The following TEX261 variants were observed in gnomAD, a reference collection of about 807,000 sequenced individuals.
TEX261 encodes testis expressed 261.
Under a neutral mutation model 25.1 loss-of-function variants are expected in TEX261, and 13 were observed. That is an observed-to-expected ratio of 0.52 (90% CI 0.34 to 0.82). TEX261 has a LOEUF of 0.82. Among genes scored for constraint, TEX261 ranks in the 40% least tolerant of loss-of-function variants. The pLI, the probability that TEX261 is intolerant of heterozygous loss-of-function variation, is 0.02. For synonymous variants in TEX261, 92 were observed against 97.8 expected (o/e 0.94, Z 0.35); for missense variants, 206 against 243.2 (o/e 0.85, Z 1.02).
chr2:70,990,100 C>T (rs1252402730), intron 3 of TEX261, among the ~76,000 whole-genome samples: 2 of 152,278 alleles, frequency 1.3e-5, no homozygotes, highest in Admixed American at 6.5e-5. Context: ...AGCATCATGA[C>T]GATGAACCTC....
chr2:70,994,392 G>A, intron 1 of TEX261: 1 of 504,812 alleles, frequency 2.0e-6, no homozygotes, highest in Non-Finnish European at 3.5e-6. Flanking sequence ...CGGCAGGCCC[G>A]CGAAGAGTGG....
intron 2 of TEX261, 81 bp from the exon 3 acceptor site, chr2:70,992,064 G>C (rs1670312491): frequency 5.1e-6 from 7 of 1,379,112 alleles, no homozygotes; most frequent in Non-Finnish European, 6.8e-6. Context: ...GCCCGCTCTG[G>C]GCAGCACTAG....
chr2:70,994,172 C>G (rs922201555), intron 1 of TEX261, among the ~76,000 whole-genome samples: 20 of 152,208 alleles, frequency 1.3e-4, no homozygotes, highest in African/African-American at 4.8e-4. Context: ...TAGGGAGAGA[C>G]AGACGAGTTT....
intron 2 of TEX261, 121 bp downstream of exon 2, chr2:70,993,575 G>GTGTA: frequency 1.2e-6 from 1 of 830,480 alleles, no homozygotes; most frequent in Non-Finnish European, 2.1e-6. Context: ...GGAGGTAAGA[G>GTGTA]TGTATGCTCA....
rs530925749 is a variant in TEX261 at position 70,987,384 on chromosome 2, T to C, written c.*1216A>G. 6.5e-6 allele frequency: 1 copy of C among 152,692 alleles called. No individual in the cohort carries two copies. The highest frequency in any genetic ancestry group is 2.4e-5 in the African/African-American group (1 of 41,580). 9.5% of individuals were successfully genotyped at this position (152,692 alleles called of 1,614,324 possible). The stretch of plus-strand genomic sequence containing the variant: ...AAATATTTTCAAGCACAGGGGTTTT[T>C]CCAGTGGCTTAAATGTATCACATGT... On this transcript the variant is annotated 3_prime_UTR_variant, in exon 6 of 6. Transcript: ENST00000272438.
rs1219524513 is a variant in TEX261, at chr2:70,987,617, GCA to G, written c.*981_*982del. On this transcript the variant is annotated 3_prime_UTR_variant, in exon 6 of 6. Coordinates refer to ENST00000272438, the MANE Select transcript of TEX261 (RefSeq NM_144582.3). ...ATATATCTCCCCAGGAGCCAAGAGT[GCA>G]CAGACGGGCCAGGGCTTGGATGCTC... 6.6e-6 allele frequency: 1 copy of G among 152,576 alleles called. No individual in the cohort carries two copies. The highest frequency in any genetic ancestry group is 1.5e-5 in the Non-Finnish European group (1 of 68,048). 9.5% of individuals were successfully genotyped at this position (152,576 alleles called of 1,614,324 possible).
chr2:70,994,694 C>T lies in TEX261; in HGVS notation c.64G>A (p.Ala22Thr). ...CGGGGTCGTGCAGTCTCACCGACAGCCAGCGTGATGAAGGCCACCTGGATG... is the reference window on the plus strand; with the variant it reads ...CGGGGTCGTGCAGTCTCACCGACAGTCAGCGTGATGAAGGCCACCTGGATG... Reference protein sequence around the residue: ...LFIQVAFITLAVAAGLYYLAE... With the variant: ...LFIQVAFITLTVAAGLYYLAE... The change falls in exon 1 of 6, where the codon GCT becomes ACT. Residue 22 changes from alanine (A) to threonine (T), a missense_variant. Transcript: ENST00000272438. 6.2e-7 allele frequency: 1 copy of T among 1,602,824 alleles called. No individual in the cohort carries two copies. The highest frequency in any genetic ancestry group is 1.1e-5 in the South Asian group (1 of 89,374).
At position 70,987,069 on chromosome 2, in the gene TEX261, T is replaced by G. The variant is rs1670201391; in HGVS notation, c.*1531A>C. The G allele has an allele frequency of 6.6e-6, 1 of 151,134 alleles. No individual in the cohort carries two copies. The highest frequency in any genetic ancestry group is 6.6e-5 in the Admixed American group (1 of 15,178). The allele number at this position is 151,134 out of a possible 1,614,324, so 9.4% of individuals were successfully genotyped here. On this transcript the variant is annotated 3_prime_UTR_variant, in exon 6 of 6. Transcript: ENST00000272438. ...CCCTGGGAGAACACTGGCAGTAGAGTGGAGGGGGCGAAGCCACATCATCAA... is the reference window on the plus strand; with the variant it reads ...CCCTGGGAGAACACTGGCAGTAGAGGGGAGGGGGCGAAGCCACATCATCAA...
intron 2 of TEX261, among the ~76,000 whole-genome samples, chr2:70,992,563 C>T (rs1407218145): frequency 1.3e-5 from 2 of 152,096 alleles, no homozygotes. Context: ...AACCCCATCT[C>T]TACTAAAAAT....
At position 70,987,081 on chromosome 2, in the gene TEX261, A is replaced by G. The variant is rs1239263507; in HGVS notation, c.*1519T>C. On this transcript the variant is annotated 3_prime_UTR_variant, in exon 6 of 6. Coordinates refer to ENST00000272438, the MANE Select transcript of TEX261 (RefSeq NM_144582.3). ...ACTGGCAGTAGAGTGGAGGGGGCGA[A>G]GCCACATCATCAAGGTGAGGGACCA... The G allele has an allele frequency of 3.9e-5, 6 of 152,216 alleles. No homozygotes were observed. The highest frequency in any genetic ancestry group is 1.2e-4 in the African/African-American group (5 of 41,432). 9.4% of individuals were successfully genotyped at this position (152,216 alleles called of 1,614,324 possible). A position where few individuals can be genotyped will look rare whatever the true frequency, so the allele number is the denominator to read the frequency against.
chr2:70,988,192 T>G lies in TEX261; in HGVS notation c.*408A>C, dbSNP rs116671983. The stretch of plus-strand genomic sequence containing the variant: ...GAAATCACCGTTCAACAGCAAAAAC[T>G]ATTTCTGTTGGACATGCCAAGCCAT... On this transcript the variant is annotated 3_prime_UTR_variant, in exon 6 of 6. Coordinates refer to ENST00000272438, the MANE Select transcript of TEX261 (RefSeq NM_144582.3). The G allele has an allele frequency of 4.1e-3, 771 of 186,120 alleles. 6 individuals carry two copies. Among genetic ancestry groups the G allele is most frequent in the African/African-American group, 0.018 (738 of 42,156 alleles). The allele number at this position is 186,120 out of a possible 1,614,324, so 11.5% of individuals were successfully genotyped here. A position where few individuals can be genotyped will look rare whatever the true frequency, so the allele number is the denominator to read the frequency against.
At chr2:70,992,722 T>G (rs1435655901) in intron 2 of TEX261, among the ~76,000 whole-genome samples, 2 of 144,162 alleles carry the variant, frequency 1.4e-5, no homozygotes, top group African/African-American at 5.3e-5. Flanking sequence ...AGAGCGAAAC[T>G]CCATCTCAAA....
rs1670201573 is a variant in TEX261, at chr2:70,987,072, A to AG, written c.*1527dup. The AG allele has an allele frequency of 1.3e-5, 2 of 152,182 alleles. No homozygotes were observed. The highest frequency in any genetic ancestry group is 2.9e-5 in the Non-Finnish European group (2 of 68,098). 9.4% of individuals were successfully genotyped at this position (152,182 alleles called of 1,614,324 possible). On this transcript the variant is annotated 3_prime_UTR_variant, in exon 6 of 6. Coordinates refer to ENST00000272438, the MANE Select transcript of TEX261 (RefSeq NM_144582.3). ...TGGGAGAACACTGGCAGTAGAGTGG[A>AG]GGGGGCGAAGCCACATCATCAAGGT...
intron 4 of TEX261, 178 bp downstream of exon 4, chr2:70,989,571 C>T (rs1225082117): frequency 1.7e-6 from 1 of 592,112 alleles, no homozygotes. Flanking sequence ...GCCAAATGAG[C>T]ACAGTCTGTC....
intron 1 of TEX261, 29 bp downstream of exon 1, chr2:70,994,659 C>T: frequency 1.9e-6 from 3 of 1,573,988 alleles, no homozygotes; most frequent in East Asian, 2.3e-5. Flanking sequence ...GGGCGGGAGC[C>T]CGCGCGGGCC....
In TEX261 at chr2:70,987,293, G is replaced by A. The variant is rs529913304; in HGVS notation, c.*1307C>T. 2 of 151,734 alleles carry A rather than the reference G, an allele frequency of 1.3e-5. No individual in the cohort carries two copies. The highest frequency in any genetic ancestry group is 4.1e-4 in the South Asian group (2 of 4,828). 9.4% of individuals were successfully genotyped at this position (151,734 alleles called of 1,614,324 possible). On this transcript the variant is annotated 3_prime_UTR_variant, in exon 6 of 6. Transcript: ENST00000272438. Reference sequence around the variant, plus strand: ...GAAAGGGGAAAGCTGGTATTCTTAAGAGAAGGTAAATGCTAAAGCCAAGGA... The same window carrying A: ...GAAAGGGGAAAGCTGGTATTCTTAAAAGAAGGTAAATGCTAAAGCCAAGGA...
At chr2:70,993,550 C>T (rs1670345320) in intron 2 of TEX261, 146 bp downstream of exon 2, 1 of 715,996 alleles carries the variant, frequency 1.4e-6, no homozygotes, top group African/African-American at 1.8e-5. Context: ...ACCCAAAAGA[C>T]AGCGTTCAGG....
In TEX261 at chr2:70,986,740, T is replaced by C. The variant is rs1670192839; in HGVS notation, c.*1860A>G. The C allele has an allele frequency of 6.6e-6, 1 of 152,578 alleles. No individual in the cohort carries two copies. Among genetic ancestry groups the C allele is most frequent in the East Asian group, 1.9e-4 (1 of 5,188 alleles). The allele number at this position is 152,578 out of a possible 1,614,324, so 9.5% of individuals were successfully genotyped here. Reference sequence around the variant, plus strand: ...CTGTGCACCTAGAGGGCAGCAAAACTGTGGTTCAGGTGATCAGGAAGGATG... The same window carrying C: ...CTGTGCACCTAGAGGGCAGCAAAACCGTGGTTCAGGTGATCAGGAAGGATG... On this transcript the variant is annotated 3_prime_UTR_variant, in exon 6 of 6. Transcript: ENST00000272438.
Position 70,993,582 on chromosome 2 carries a change from C to T in TEX261, c.150+114G>A. 4.6e-6 allele frequency: 4 copies of T among 876,634 alleles called. No individual in the cohort carries two copies. In the South Asian group the frequency reaches 5.8e-5, roughly 13 times the overall value. The allele number at this position is 876,634 out of a possible 1,614,324, so 54.3% of individuals were successfully genotyped here. A position where few individuals can be genotyped will look rare whatever the true frequency, so the allele number is the denominator to read the frequency against. ...CAGGGCAAGGAGGTAAGAGTGTATG[C>T]TCAGGAAACAGCAGAGACACAGGCC... On this transcript the variant is annotated intron_variant, in intron 2 of 5. Coordinates refer to ENST00000272438, the MANE Select transcript of TEX261 (RefSeq NM_144582.3).
Sources: gnomAD v4.1 joint callset for allele counts (sites outside exome capture counted in the v4.1 genomes callset) on GRCh38, gnomAD v4.1.1 for gene constraint, MANE v1.5 for transcripts, NCBI Gene and HGNC (gene_info 2026-07-23, HGNC 2026-07-21) for gene names.